Variants in CLCA4 observed in about 807,000 individuals in gnomAD.
CLCA4 encodes calcium-activated chloride channel regulator 4.
CLCA4 carries 69 observed loss-of-function variants against 78.9 expected under a neutral mutation model. That is an observed-to-expected ratio of 0.87 (90% CI 0.72 to 1.07). The LOEUF (loss-of-function observed/expected upper bound fraction) is 1.07. Ranked by LOEUF, CLCA4 falls within the 50% of genes least tolerant of loss-of-function variation. CLCA4 has a pLI of 0.00. For missense variants in CLCA4, 1,133 were observed against 1,095.8 expected, an observed-to-expected ratio of 1.03 and a Z score of -0.48; for synonymous variants, 362 against 375.8, an observed-to-expected ratio of 0.96 and a Z score of 0.42.
chr1:86,571,948 T>C (rs1406801111), intron 8 of CLCA4, among the ~76,000 whole-genome samples: 1 of 152,060 alleles, frequency 6.6e-6, no homozygotes, highest in African/African-American at 2.4e-5. Flanking sequence ...TGGTACTAAA[T>C]ATATGCTTGC....
intron 9 of CLCA4, 143 bp from the exon 10 acceptor site, chr1:86,574,397 T>C: frequency 1.6e-6 from 1 of 623,626 alleles, no homozygotes; most frequent in Non-Finnish European, 2.8e-6. Flanking sequence ...TGTCATATCA[T>C]CACCAGCTTG....
chr1:86,551,053 A>C (rs539185335), intron 1 of CLCA4, among the ~76,000 whole-genome samples: 11 of 151,668 alleles, frequency 7.3e-5, no homozygotes, highest in Admixed American at 2.6e-4. Flanking sequence ...GGATGGTCTC[A>C]ATCTCCTGAC....
At chr1:86,551,006 T>G (rs1355941473) in intron 1 of CLCA4, among the ~76,000 whole-genome samples, 3 of 151,842 alleles carry the variant, frequency 2.0e-5, no homozygotes, top group Non-Finnish European at 2.9e-5. Context: ...TAATTTTTTG[T>G]ATTTTTAGTA....
At chr1:86,566,045 G>A in intron 6 of CLCA4, 25 bp downstream of exon 6, 1 of 1,588,936 alleles carries the variant, frequency 6.3e-7, no homozygotes. Flanking sequence ...TCTGGATATA[G>A]GGATGTAGGA....
chr1:86,561,146 C>A (rs1253474790), intron 3 of CLCA4, among the ~76,000 whole-genome samples: 1 of 152,174 alleles, frequency 6.6e-6, no homozygotes, highest in Non-Finnish European at 1.5e-5. Context: ...GGACCAGTTC[C>A]CCTCTCCAGT....
rs10579344 is a variant in CLCA4, at chr1:86,562,853, T to TAAAA, written c.449-793_449-790dup. Among the ~76,000 whole-genome samples the TAAAA allele has an allele frequency of 2.0e-3, 269 of 133,212 alleles. 2 individuals are homozygous for TAAAA. The highest frequency in any genetic ancestry group is 6.8e-3 in the African/African-American group (247 of 36,080). 87.4% of individuals were successfully genotyped at this position (133,212 alleles called of 152,430 possible). ...CAGGCGACAGTGCGAGACTCCATCT[T>TAAAA]AAAAAAAAAAAAAAAAAAGAAGAAG... On this transcript the variant is annotated intron_variant, in intron 3 of 13. Coordinates refer to ENST00000370563, the MANE Select transcript of CLCA4 (RefSeq NM_012128.4).
At chr1:86,548,140 C>A (rs1649552709) in intron 1 of CLCA4, among the ~76,000 whole-genome samples, 1 of 152,186 alleles carries the variant, frequency 6.6e-6, no homozygotes, top group Admixed American at 6.5e-5. Context: ...ACCATTCCAA[C>A]TGGGCTGAGA....
At chr1:86,561,942 C>T (rs147811201) in intron 3 of CLCA4, among the ~76,000 whole-genome samples, 1 of 152,176 alleles carries the variant, frequency 6.6e-6, no homozygotes, top group East Asian at 1.9e-4. Flanking sequence ...GGATAAATAA[C>T]ATTAGTAAGA....
intron 1 of CLCA4, among the ~76,000 whole-genome samples, chr1:86,552,080 T>A (rs1649681598): frequency 6.6e-6 from 1 of 151,892 alleles, no homozygotes; most frequent in African/African-American, 2.4e-5. Flanking sequence ...CTGAAAAAAA[T>A]GAAACACACC....
At chr1:86,552,208 A>T (rs1649685812) in intron 1 of CLCA4, among the ~76,000 whole-genome samples, 2 of 152,238 alleles carry the variant, frequency 1.3e-5, no homozygotes, top group South Asian at 4.1e-4. Context: ...TAAAAAGTTT[A>T]AAAATATGTA....
At chr1:86,575,267 C>A in intron 10 of CLCA4, 65 bp from the exon 11 acceptor site, 1 of 1,281,426 alleles carries the variant, frequency 7.8e-7, no homozygotes, top group Non-Finnish European at 1.1e-6. Context: ...TTTAGAATTA[C>A]ATAATGGAAA....
In CLCA4 at chr1:86,571,187, C is replaced by T. The variant is rs199674977; in HGVS notation, c.1293C>T (p.Ala431=). 1 of 1,612,888 alleles carries T rather than the reference C, an allele frequency of 6.2e-7. No individual in the cohort carries two copies. The change falls in exon 8 of 14, where the codon GCC becomes GCT. Residue 431 remains alanine, a synonymous_variant. Coordinates refer to ENST00000370563, the MANE Select transcript of CLCA4 (RefSeq NM_012128.4). ...TTGATGAAGTGAAACAAAGTGGGGC[C>T]ATTGTTCATTTTATTGCTTTGGGAA... ...SCIDEVKQSG[A]IVHFIALGRA... is the part of the protein sequence containing the mutation.
At chr1:86,568,990 T>C (rs866889320) in intron 7 of CLCA4, among the ~76,000 whole-genome samples, 4 of 152,036 alleles carry the variant, frequency 2.6e-5, no homozygotes, top group East Asian at 1.9e-4. Flanking sequence ...ATCAGTAAAA[T>C]AGGATAATTA....
chr1:86,571,049 G>A (rs1392006781), intron 7 of CLCA4, 28 bp from the exon 8 acceptor site: 2 of 1,554,746 alleles, frequency 1.3e-6, no homozygotes, highest in Admixed American at 1.7e-5. Flanking sequence ...ACATCTGTTG[G>A]TAACTGTGCT....
At chr1:86,563,522 T>C (rs750800951) in intron 3 of CLCA4, 139 bp from the exon 4 acceptor site, 2 of 491,658 alleles carry the variant, frequency 4.1e-6, no homozygotes, top group Non-Finnish European at 7.3e-6. Flanking sequence ...GGCTTTTTTA[T>C]ACACTGAAAT....
At chr1:86,550,318 T>G (rs756849375) in intron 1 of CLCA4, among the ~76,000 whole-genome samples, 10 of 152,250 alleles carry the variant, frequency 6.6e-5, no homozygotes, top group Non-Finnish European at 5.9e-5. Flanking sequence ...CAGCTAATTC[T>G]GAATGATAGG....
chr1:86,566,594 A>G (rs529636801), intron 6 of CLCA4, among the ~76,000 whole-genome samples: 2 of 152,196 alleles, frequency 1.3e-5, no homozygotes, highest in East Asian at 3.9e-4. Context: ...GGTATTAAAA[A>G]GGGCAGAGAA....
At chr1:86,569,179 C>A (rs1047915652) in intron 7 of CLCA4, among the ~76,000 whole-genome samples, 2 of 151,806 alleles carry the variant, frequency 1.3e-5, no homozygotes. Context: ...ATAAACGAAA[C>A]AGGGAAAGGA....
intron 3 of CLCA4, 45 bp from the exon 4 acceptor site, chr1:86,563,616 G>A (rs780276561): frequency 5.8e-5 from 53 of 916,796 alleles, no homozygotes; most frequent in East Asian, 7.8e-5. Flanking sequence ...GATACAAAAC[G>A]TGTCACTTGG....
Sources: gnomAD v4.1 joint callset for allele counts (sites outside exome capture counted in the v4.1 genomes callset) on GRCh38, gnomAD v4.1.1 for gene constraint, MANE v1.5 for transcripts, NCBI Gene and HGNC (gene_info 2026-07-23, HGNC 2026-07-21) for gene names.